Variants in TNFSF4 observed in about 807,000 individuals in gnomAD.
TNFSF4 encodes TNF superfamily member 4.
Under a neutral mutation model 7.3 loss-of-function variants are expected in TNFSF4, and 4 were observed. The observed-to-expected ratio is 0.55, with a 90% CI of 0.27 to 1.25. TNFSF4 has a LOEUF of 1.25. Among genes scored for constraint, TNFSF4 ranks in the 50% most tolerant of loss-of-function variants. The pLI, the probability that TNFSF4 is intolerant of heterozygous loss-of-function variation, is 0.12. For missense variants in TNFSF4, 181 were observed against 208.8 expected (o/e 0.87, Z 0.82); for synonymous variants, 76 against 83.7 (o/e 0.91, Z 0.50).
intron 1 of TNFSF4, among the ~76,000 whole-genome samples, chr1:173,199,851 A>C (rs896299676): frequency 2.6e-5 from 4 of 152,166 alleles, no homozygotes; most frequent in Admixed American, 2.0e-4. Context: ...ATCATTTAAA[A>C]AAAATGCAGA....
the TNFSF4 span, among the ~76,000 whole-genome samples, chr1:173,292,804 T>C: frequency 6.6e-6 from 1 of 152,236 alleles, no homozygotes; most frequent in African/African-American, 2.4e-5. Context: ...GGTTTCAGGA[T>C]ATAAAATCAA....
the TNFSF4 span, among the ~76,000 whole-genome samples, chr1:173,214,610 A>G: frequency 6.6e-6 from 1 of 152,364 alleles, no homozygotes; most frequent in East Asian, 1.9e-4. Context: ...AAAATGTCTC[A>G]TAATGTTTTA....
the TNFSF4 span, among the ~76,000 whole-genome samples, chr1:173,342,783 T>C: frequency 6.6e-6 from 1 of 152,188 alleles, no homozygotes; most frequent in Non-Finnish European, 1.5e-5. Context: ...AGGAAGTCCA[T>C]AGCTCTGCAG....
At chr1:173,174,222 CG>C in the TNFSF4 span, 2 of 152,210 alleles carry the variant, frequency 1.3e-5, no homozygotes, top group African/African-American at 4.8e-5. Flanking sequence ...CCACCTCAGT[CG>C]GGACTTTATT....
Position 173,185,794 on chromosome 1 carries a change from G to C in TNFSF4, c.*722C>G. 1 of 152,164 alleles carries C rather than the reference G, an allele frequency of 6.6e-6. No homozygotes were observed. Among genetic ancestry groups the C allele is most frequent in the East Asian group, 1.9e-4 (1 of 5,206 alleles). 9.4% of individuals were successfully genotyped at this position (152,164 alleles called of 1,614,324 possible). A position where few individuals can be genotyped will look rare whatever the true frequency, so the allele number is the denominator to read the frequency against. ...AAAATCTCTCTTAAGTCACTGATTA[G>C]ATTTTTCAAAGCATCACATCCCCAG... On this transcript the variant is annotated 3_prime_UTR_variant, in exon 3 of 3. Coordinates refer to ENST00000281834, the MANE Select transcript of TNFSF4 (RefSeq NM_003326.5).
chr1:173,425,225 T>C, the TNFSF4 span, among the ~76,000 whole-genome samples: 14 of 152,328 alleles, frequency 9.2e-5, no homozygotes, highest in African/African-American at 3.1e-4. Flanking sequence ...CTTGGCTCAG[T>C]GCAGCTCAGG....
At chr1:173,178,655 T>C in the TNFSF4 span, among the ~76,000 whole-genome samples, 3 of 152,356 alleles carry the variant, frequency 2.0e-5, no homozygotes, top group East Asian at 5.8e-4. Flanking sequence ...CTATTTTCTT[T>C]TCTCATGTAT....
chr1:173,449,139 G>A, the TNFSF4 span, among the ~76,000 whole-genome samples: 1 of 151,956 alleles, frequency 6.6e-6, no homozygotes, highest in African/African-American at 2.4e-5. Context: ...ATTTAAAAGT[G>A]TGTGGCACCT....
chr1:173,290,781 T>G, the TNFSF4 span, among the ~76,000 whole-genome samples: 1 of 152,100 alleles, frequency 6.6e-6, no homozygotes, highest in Non-Finnish European at 1.5e-5. Context: ...GAATATACAT[T>G]CTTCTAATCT....
At chr1:173,376,774 CTG>C in the TNFSF4 span, among the ~76,000 whole-genome samples, 2 of 152,214 alleles carry the variant, frequency 1.3e-5, no homozygotes, top group South Asian at 4.1e-4. Context: ...CCCTTCCACA[CTG>C]TGGAAGCTTT....
chr1:173,312,075 C>T, the TNFSF4 span, among the ~76,000 whole-genome samples: 3 of 152,030 alleles, frequency 2.0e-5, no homozygotes, highest in Admixed American at 6.6e-5. Context: ...TAATTATCTG[C>T]TAAGTATACA....
At chr1:173,352,721 G>A in the TNFSF4 span, among the ~76,000 whole-genome samples, 1 of 152,168 alleles carries the variant, frequency 6.6e-6, no homozygotes, top group Non-Finnish European at 1.5e-5. Flanking sequence ...TCTTAACAGG[G>A]TTCAAGAGCA....
chr1:173,331,450 G>A, the TNFSF4 span, among the ~76,000 whole-genome samples: 2 of 133,734 alleles, frequency 1.5e-5, no homozygotes, highest in African/African-American at 5.3e-5. Flanking sequence ...GGAAACCTTA[G>A]TAGTCAAAAA....
At chr1:173,242,828 G>C in the TNFSF4 span, among the ~76,000 whole-genome samples, 4 of 152,106 alleles carry the variant, frequency 2.6e-5, no homozygotes, top group Non-Finnish European at 5.9e-5. Flanking sequence ...AAGGAGTGCA[G>C]CCCTGCTGTG....
chr1:173,337,421 G>A, the TNFSF4 span, among the ~76,000 whole-genome samples: 1 of 152,268 alleles, frequency 6.6e-6, no homozygotes, highest in South Asian at 2.1e-4. Context: ...GCCCAAGCAG[G>A]TCCTGAAGGC....
At chr1:173,322,791 A>G in the TNFSF4 span, among the ~76,000 whole-genome samples, 21 of 152,204 alleles carry the variant, frequency 1.4e-4, no homozygotes, top group Admixed American at 1.4e-3. Context: ...GCTCACTGCT[A>G]GCACAGCAGC....
At chr1:173,234,252 G>A in the TNFSF4 span, among the ~76,000 whole-genome samples, 1 of 152,096 alleles carries the variant, frequency 6.6e-6, no homozygotes, top group East Asian at 1.9e-4. Context: ...AATGAGATAC[G>A]ATCTCACACC....
upstream of TNFSF4, among the ~76,000 whole-genome samples, chr1:173,209,939 T>C (rs549640877): frequency 6.6e-5 from 10 of 152,156 alleles, no homozygotes; most frequent in East Asian, 5.8e-4. Context: ...CCTAAATGAA[T>C]AGCCATTTCA....
At chr1:173,308,281 CTCTCTG>C in the TNFSF4 span, among the ~76,000 whole-genome samples, 103 of 138,754 alleles carry the variant, frequency 7.4e-4, no homozygotes, top group South Asian at 2.6e-3. Flanking sequence ...CTCTCTCTCT[CTCTCTG>C]TGTGTGTGTG....
Sources: gnomAD v4.1 joint callset for allele counts (sites outside exome capture counted in the v4.1 genomes callset) on GRCh38, gnomAD v4.1.1 for gene constraint, MANE v1.5 for transcripts, NCBI Gene and HGNC (gene_info 2026-07-23, HGNC 2026-07-21) for gene names.